COL16A1: variants seen among roughly 807,000 people sequenced by gnomAD.
COL16A1 encodes collagen type XVI alpha 1 chain.
In COL16A1, 189 loss-of-function variants were observed where a neutral mutation model predicts 266.3. That is an observed-to-expected ratio of 0.71 (90% CI 0.63 to 0.80). The LOEUF is 0.80. Ranked by LOEUF, COL16A1 falls within the 30% of genes least tolerant of loss-of-function variation. The probability of loss-of-function intolerance (pLI) is 0.00; values close to 1 mark genes in which losing one functional copy is unlikely to be tolerated. For missense variants in COL16A1, 1,928 were observed against 2,122.4 expected (o/e 0.91, Z 1.80); for synonymous variants, 740 against 782.3 (o/e 0.95, Z 0.90).
chr1:31,698,249 G>A lies in COL16A1; in HGVS notation c.391-77C>T. 6.3e-7 allele frequency: 1 copy of A among 1,577,890 alleles called. No homozygotes were observed. Among genetic ancestry groups the A allele is most frequent in the Non-Finnish European group, 8.6e-7 (1 of 1,162,756 alleles). On this transcript the variant is annotated intron_variant, in intron 5 of 70. Coordinates refer to ENST00000373672, the MANE Select transcript of COL16A1 (RefSeq NM_001856.4). The surrounding 1 kb of genome is among the most constrained non-coding windows in gnomAD (Gnocchi z 4.1). ...CACCATGGGCACGTTCAGGGACCTT[G>A]AACTCATTTCACAGGAGGGGAACTG... is the stretch of plus-strand genomic sequence containing the variant.
chr1:31,688,382 T>A lies in COL16A1; in HGVS notation c.1803+85A>T. 7.0e-7 allele frequency: 1 copy of A among 1,429,310 alleles called. No homozygotes were observed. The highest frequency in any genetic ancestry group is 9.9e-7 in the Non-Finnish European group (1 of 1,012,962). 88.5% of individuals were successfully genotyped at this position (1,429,310 alleles called of 1,614,324 possible). ...TACCGTCTGAATCTCTTGTTTATAT[T>A]ACCCTTATTCCCCGCCCGCACCACT... On this transcript the variant is annotated intron_variant, in intron 26 of 70. Coordinates refer to ENST00000373672, the MANE Select transcript of COL16A1 (RefSeq NM_001856.4). This position sits in a 1 kb window ranked among gnomAD's most constrained non-coding sequence, Gnocchi z 4.9.
Position 31,683,339 on chromosome 1 carries a change from T to TGCCAGGCAAACCCGGGGC in COL16A1, c.2392_2409dup (p.Ala798_Gly803dup), listed in dbSNP as rs1553166484. On this transcript the variant is annotated inframe_insertion, in exon 35 of 71. Transcript: ENST00000373672. ...CAGGACTCAGGCAGACGTACCTGAA[T>TGCCAGGCAAACCCGGGGC]GCCAGGCAAACCCGGGGCTCCAGGC... The TGCCAGGCAAACCCGGGGC allele has an allele frequency of 6.2e-7, 1 of 1,614,158 alleles. No homozygotes were observed. The highest frequency in any genetic ancestry group is 1.3e-5 in the African/African-American group (1 of 75,052).
intron 48 of COL16A1, among the ~76,000 whole-genome samples, chr1:31,671,140 G>A (rs1642653443): frequency 6.6e-6 from 1 of 152,336 alleles, no homozygotes; most frequent in East Asian, 1.9e-4. Flanking sequence ...CCCTGGTCTG[G>A]TTTTTGTAGA....
chr1:31,702,811 C>T (rs1644768577), intron 1 of COL16A1, among the ~76,000 whole-genome samples: 1 of 152,170 alleles, frequency 6.6e-6, no homozygotes, highest in Non-Finnish European at 1.5e-5. Flanking sequence ...GAAGCTTTCC[C>T]CATAGGTATA....
Position 31,685,020 on chromosome 1 carries a change from G to C in COL16A1, c.2017-164C>G, listed in dbSNP as rs979966906. On this transcript the variant is annotated intron_variant, in intron 29 of 70. Transcript: ENST00000373672. The surrounding 1 kb of genome is among the most constrained non-coding windows in gnomAD (Gnocchi z 4.0). ...AGGTGCAGAGCAAAGATTTGTGCCA[G>C]ACTCTTTGCCTGGGTGACATGAGCA... Among the ~76,000 whole-genome samples the C allele has an allele frequency of 6.6e-6, 1 of 152,226 alleles. No homozygotes were observed.
intron 29 of COL16A1, 28 bp from the exon 30 acceptor site, chr1:31,684,884 C>T (rs752632422): frequency 6.2e-7 from 1 of 1,613,022 alleles, no homozygotes; most frequent in Admixed American, 1.7e-5. Context: ...CCAGCACCCG[C>T]TCACTCATAC....
chr1:31,679,908 C>G (rs917187784), intron 40 of COL16A1, 57 bp from the exon 41 acceptor site: 36 of 1,524,858 alleles, frequency 2.4e-5, no homozygotes, highest in Non-Finnish European at 3.1e-5. Flanking sequence ...ACGTCTACAC[C>G]AAGCGCGGGG....
At chr1:31,653,516 C>T (rs1475761360) in intron 70 of COL16A1, 83 bp downstream of exon 70, 1 of 1,474,602 alleles carries the variant, frequency 6.8e-7, no homozygotes, top group Non-Finnish European at 9.1e-7. Context: ...TGGAGTTTGA[C>T]ACAGCTGTGT....
In COL16A1 at chr1:31,692,819, G is replaced by A. The variant is rs773735796; in HGVS notation, c.1072-11C>T. ...AACACAGTCATTGCCCTGGGAGTAG[G>A]GAACAAGGGATCAGGGGTGGGAACT... is the stretch of plus-strand genomic sequence containing the variant. On this transcript the variant is annotated splice_polypyrimidine_tract_variant and intron_variant, in intron 13 of 70. Transcript: ENST00000373672. 33 of 1,613,448 alleles carry A rather than the reference G, an allele frequency of 2.0e-5. No individual in the cohort carries two copies. The East Asian group carries it at 2.9e-4, about 14-fold the overall frequency.
In COL16A1 at chr1:31,689,753, A is replaced by C. The variant is rs745642017; in HGVS notation, c.1608T>G (p.Pro536=). ...KPGPKGEPGD[P]VPARGDPGIQ... ...CCTGGGCACTCACCCTGGCTGGTAC[A>C]GGATCACCAGGCTCCCCTTTGGGCC... Residue 536 remains proline, a synonymous_variant, in exon 23 of 71, where the codon CCT becomes CCG. Coordinates refer to ENST00000373672, the MANE Select transcript of COL16A1 (RefSeq NM_001856.4). 6.2e-7 allele frequency: 1 copy of C among 1,614,000 alleles called. No homozygotes were observed. Among genetic ancestry groups the C allele is most frequent in the South Asian group, 1.1e-5 (1 of 91,076 alleles).
At chr1:31,666,340 G>C (rs1391083349) in intron 52 of COL16A1, 1 of 534,368 alleles carries the variant, frequency 1.9e-6, no homozygotes, top group Admixed American at 3.6e-5. Context: ...CTCCAGCATA[G>C]CTCTGATTAT....
At position 31,698,412 on chromosome 1, in the gene COL16A1, G is replaced by A. The variant is rs78551356; in HGVS notation, c.390+71C>T. 3.6e-3 allele frequency: 5,766 copies of A among 1,597,792 alleles called. 88 individuals are homozygous for A. In the African/African-American group the frequency reaches 0.039, roughly 11 times the overall value. On this transcript the variant is annotated intron_variant, in intron 5 of 70. Transcript: ENST00000373672. This position sits in a 1 kb window ranked among gnomAD's most constrained non-coding sequence, Gnocchi z 4.1. ...AGGGAGACCCCAGAAGTCACAAGCCGGGATGAAAGGTGGGCTGGACTGGTG... is the reference window on the plus strand; with the variant it reads ...AGGGAGACCCCAGAAGTCACAAGCCAGGATGAAAGGTGGGCTGGACTGGTG...
chr1:31,653,683 C>G lies in COL16A1; in HGVS notation c.4535-7G>C. On this transcript the variant is annotated splice_region_variant and splice_polypyrimidine_tract_variant and intron_variant, in intron 69 of 70. Coordinates refer to ENST00000373672, the MANE Select transcript of COL16A1 (RefSeq NM_001856.4). ...CCTTTGGTACCAGGCAATCCTGGAA[C>G]AAAAGAAATAAATAAGTCCTATCCC... 1 of 1,611,194 alleles carries G rather than the reference C, an allele frequency of 6.2e-7. No homozygotes were observed. Among genetic ancestry groups the G allele is most frequent in the Non-Finnish European group, 8.5e-7 (1 of 1,178,716 alleles).
intron 11 of COL16A1, 53 bp downstream of exon 11, chr1:31,695,133 C>T (rs760307323): frequency 2.5e-6 from 4 of 1,601,226 alleles, no homozygotes; most frequent in Admixed American, 1.7e-5. Flanking sequence ...CTCTAGGCAA[C>T]GTCCACTCCC....
chr1:31,667,758 G>C (rs2148692176), intron 51 of COL16A1, 130 bp from the exon 52 acceptor site: 1 of 933,790 alleles, frequency 1.1e-6, no homozygotes, highest in South Asian at 1.4e-5. Flanking sequence ...AGGACCGCTG[G>C]GTGCTCCAAA....
rs370474121 is a variant in COL16A1, at chr1:31,689,846, G to A, written c.1515C>T (p.Asp505=). 28 of 1,613,760 alleles carry A rather than the reference G, an allele frequency of 1.7e-5. No individual in the cohort carries two copies. The highest frequency in any genetic ancestry group is 2.2e-5 in the Non-Finnish European group (26 of 1,179,862). Residue 505 remains aspartate, a synonymous_variant, in exon 23 of 71, where the codon GAC becomes GAT. Transcript: ENST00000373672. ...GKPGVKGEKG[D]PCEVCPTLPE... Reference sequence around the variant, plus strand: ...GCAGTGTTGGGCACACTTCACAGGGGTCACCCTAGCAGAAGGGAGAGGCAG... The same window carrying A: ...GCAGTGTTGGGCACACTTCACAGGGATCACCCTAGCAGAAGGGAGAGGCAG...
intron 1 of COL16A1, 126 bp from the exon 2 acceptor site, chr1:31,702,353 G>T: frequency 2.2e-6 from 2 of 920,766 alleles, no homozygotes; most frequent in Non-Finnish European, 3.4e-6. Context: ...GGTCTGGCCA[G>T]GCATCAGTCT....
At chr1:31,676,936 G>A (rs1557648953) in intron 42 of COL16A1, among the ~76,000 whole-genome samples, 1 of 152,224 alleles carries the variant, frequency 6.6e-6, no homozygotes, top group Non-Finnish European at 1.5e-5. Flanking sequence ...CAGCCCCCGA[G>A]CAATTTCCAG....
At chr1:31,691,060 C>A (rs1644240383) in intron 20 of COL16A1, 128 bp downstream of exon 20, 2 of 1,448,058 alleles carry the variant, frequency 1.4e-6, no homozygotes, top group African/African-American at 2.8e-5. Context: ...CGAGCCCAGC[C>A]TCCTCCTCCA....
Sources: allele counts gnomAD v4.1 joint callset (sites outside exome capture counted in the v4.1 genomes callset), GRCh38; gene constraint gnomAD v4.1.1; non-coding constraint Gnocchi (gnomAD v3.1); transcripts MANE v1.5; gene names NCBI Gene and HGNC (gene_info 2026-07-23, HGNC 2026-07-21).